Variants in GOLGA6D observed in about 807,000 individuals in gnomAD.
GOLGA6D encodes the protein golgin subfamily A member 6D.
GOLGA6D carries 9 observed loss-of-function variants against 42.1 expected under a neutral mutation model. The observed-to-expected ratio is 0.21, with a 90% CI of 0.13 to 0.37. GOLGA6D has a LOEUF of 0.37. GOLGA6D is among the 10% of genes least tolerant of loss of function. The pLI is 1.00. For synonymous variants in GOLGA6D, 39 were observed against 167.3 expected (o/e 0.23, Z 5.92); for missense variants, 87 against 420.8 (o/e 0.21, Z 6.94).
chr15:75,295,500 C>A lies in GOLGA6D; in HGVS notation c.*1025C>A, dbSNP rs1293850091. 1 of 143,668 alleles carries A rather than the reference C, an allele frequency of 7.0e-6. No individual in the cohort carries two copies. Among genetic ancestry groups the A allele is most frequent in the African/African-American group, 2.7e-5 (1 of 36,742 alleles). 8.9% of individuals were successfully genotyped at this position (143,668 alleles called of 1,614,324 possible). A position where few individuals can be genotyped will look rare whatever the true frequency, so the allele number is the denominator to read the frequency against. On this transcript the variant is annotated 3_prime_UTR_variant, in exon 18 of 18. Coordinates refer to ENST00000434739, the MANE Select transcript of GOLGA6D (RefSeq NM_001145224.3). The stretch of plus-strand genomic sequence containing the variant: ...TGTTTTAATCACATGAGTATATGTC[C>A]CAGTACACAAAAGGGCACTGGTTGG...
At chr15:75,276,162 C>T in the GOLGA6D span, among the ~76,000 whole-genome samples, 182 of 150,142 alleles carry the variant, frequency 1.2e-3, no homozygotes, top group Admixed American at 2.5e-3. Flanking sequence ...CCCCCTCACC[C>T]CCATGGGGAA....
the GOLGA6D span, among the ~76,000 whole-genome samples, chr15:75,277,730 G>T: frequency 6.9e-6 from 1 of 145,528 alleles, no homozygotes; most frequent in Admixed American, 6.9e-5. Context: ...GCTGAGGTGG[G>T]AGGTCGAGGC....
Position 75,294,389 on chromosome 15 carries a change from C to T in GOLGA6D, c.1996C>T (p.Pro666Ser). Reference protein sequence around the residue: ...VSLDNNVEPAPGVAREGSPHN... With the variant: ...VSLDNNVEPASGVAREGSPHN... ...CCTGGACAACAACGTGGAGCCTGCA[C>T]CAGGAGTGGCCAGGGAGGGTTCTCC... Residue 666 changes from proline (P) to serine (S), a missense_variant, in exon 18 of 18, where the codon CCA (proline) becomes TCA (serine). By Grantham distance (74) the Pro-to-Ser change is moderately conservative (BLOSUM62 -1). Coordinates refer to ENST00000434739, the MANE Select transcript of GOLGA6D (RefSeq NM_001145224.3). 3.1e-6 allele frequency: 5 copies of T among 1,598,726 alleles called. No individual in the cohort carries two copies. Among genetic ancestry groups the T allele is most frequent in the Non-Finnish European group, 4.2e-6 (5 of 1,177,810 alleles).
Sources: gnomAD v4.1 joint callset for allele counts (sites outside exome capture counted in the v4.1 genomes callset) on GRCh38, gnomAD v4.1.1 for gene constraint, MANE v1.5 for transcripts, NCBI Gene and HGNC (gene_info 2026-07-23, HGNC 2026-07-21) for gene names.